Variants in SLC12A8 observed in about 807,000 individuals in gnomAD.
SLC12A8 encodes the protein solute carrier family 12 member 8.
SLC12A8 carries 69 observed loss-of-function variants against 75.6 expected under a neutral mutation model. That is an observed-to-expected ratio of 0.91 (90% CI 0.75 to 1.11). SLC12A8 has a LOEUF of 1.11. Ranked by LOEUF, SLC12A8 falls within the 50% of genes most tolerant of loss-of-function variation. The probability of loss-of-function intolerance (pLI) is 0.00; values close to 1 mark genes in which losing one functional copy is unlikely to be tolerated. For synonymous variants in SLC12A8, 365 were observed against 372.8 expected (o/e 0.98, Z 0.24); for missense variants, 877 against 896.7 (o/e 0.98, Z 0.28).
intron 5 of SLC12A8, among the ~76,000 whole-genome samples, chr3:125,155,576 C>G (rs1232791384): frequency 6.7e-6 from 1 of 148,844 alleles, no homozygotes; most frequent in Non-Finnish European, 1.5e-5. Flanking sequence ...TCGAGACCAT[C>G]CTGGCTAACA....
chr3:125,208,216 C>T (rs1463751611), intron 2 of SLC12A8, among the ~76,000 whole-genome samples: 1 of 152,202 alleles, frequency 6.6e-6, no homozygotes, highest in Non-Finnish European at 1.5e-5. Context: ...ACTCCAGACT[C>T]ACCCAGGCCT....
intron 2 of SLC12A8, among the ~76,000 whole-genome samples, chr3:125,192,143 C>T (rs925002693): frequency 1.6e-4 from 25 of 152,032 alleles, no homozygotes; most frequent in Middle Eastern, 3.4e-3. Flanking sequence ...TGCTACAGGC[C>T]GACTGTTCCT....
intron 2 of SLC12A8, chr3:125,192,826 G>A (rs1934932414): frequency 6.5e-6 from 1 of 154,508 alleles, no homozygotes; most frequent in African/African-American, 2.4e-5. Flanking sequence ...TCTTCCCACA[G>A]TCTGCTCATC....
At chr3:125,163,774 C>A (rs1050599634) in intron 5 of SLC12A8, among the ~76,000 whole-genome samples, 12 of 152,160 alleles carry the variant, frequency 7.9e-5, no homozygotes, top group African/African-American at 2.9e-4. Context: ...GGCAGAAATT[C>A]TCCCTGATGC....
At chr3:125,187,130 G>A in intron 4 of SLC12A8, 107 bp downstream of exon 4, 1 of 1,113,054 alleles carries the variant, frequency 9.0e-7, no homozygotes, top group Non-Finnish European at 1.3e-6. Context: ...TCTGTCACAT[G>A]CGGCAATTGT....
At chr3:125,153,825 C>T (rs1365737653) in intron 5 of SLC12A8, among the ~76,000 whole-genome samples, 2 of 152,160 alleles carry the variant, frequency 1.3e-5, no homozygotes, top group Admixed American at 6.5e-5. Context: ...GGGCGGATGA[C>T]GCAGGCATCG....
chr3:125,189,330 T>C (rs2107795475), intron 3 of SLC12A8, among the ~76,000 whole-genome samples: 1 of 152,366 alleles, frequency 6.6e-6, no homozygotes, highest in South Asian at 2.1e-4. Flanking sequence ...CTGTTGGCAT[T>C]GGCCTGTTTC....
intron 7 of SLC12A8, 199 bp from the exon 8 acceptor site, chr3:125,119,055 G>T (rs1199185563): frequency 2.1e-6 from 1 of 470,936 alleles, no homozygotes; most frequent in East Asian, 3.6e-5. Context: ...CCAAAAAAGG[G>T]GTACCATTGT....
At chr3:125,163,272 C>T (rs1934213598) in intron 5 of SLC12A8, among the ~76,000 whole-genome samples, 1 of 151,192 alleles carries the variant, frequency 6.6e-6, no homozygotes, top group South Asian at 2.1e-4. Flanking sequence ...TGCACTCTAA[C>T]CTGGGTGAGA....
In SLC12A8 at chr3:125,107,651, G is replaced by C; in HGVS notation, c.1535C>G (p.Pro512Arg). The C allele has an allele frequency of 6.2e-7, 1 of 1,614,206 alleles. No homozygotes were observed. Among genetic ancestry groups the C allele is most frequent in the South Asian group, 1.1e-5 (1 of 91,084 alleles). The change falls in exon 10 of 14, where the codon CCT becomes CGT. Residue 512 changes from proline (P) to arginine (R), a missense_variant. Physicochemically the swap from Pro to Arg is moderately radical, Grantham distance 103. Transcript: ENST00000469902. ...AGAGATCTCGACAGGGAAAGAAGGA[G>C]GGGATTTGAGGTCCAAGAGGAAGCT... The part of the protein sequence containing the change: ...QDSFLLDLKS[P>R]PSFPVEISDR...
chr3:125,165,407 C>T (rs926440000), intron 5 of SLC12A8, among the ~76,000 whole-genome samples: 1 of 152,234 alleles, frequency 6.6e-6, no homozygotes, highest in Admixed American at 6.5e-5. Context: ...CCAGGCTGCC[C>T]TAGCTCACTG....
intron 2 of SLC12A8, among the ~76,000 whole-genome samples, chr3:125,196,596 T>C (rs889297278): frequency 6.6e-6 from 1 of 152,194 alleles, no homozygotes; most frequent in Admixed American, 6.5e-5. Context: ...TAGATCACTG[T>C]ACATATTTAT....
intron 10 of SLC12A8, among the ~76,000 whole-genome samples, chr3:125,095,217 C>G (rs929264706): frequency 2.0e-5 from 3 of 152,206 alleles, no homozygotes; most frequent in African/African-American, 7.2e-5. Context: ...TTCTCAGTAT[C>G]ACCCATTAGT....
chr3:125,201,989 C>A (rs956657106), intron 2 of SLC12A8, among the ~76,000 whole-genome samples: 1 of 152,124 alleles, frequency 6.6e-6, no homozygotes, highest in African/African-American at 2.4e-5. Flanking sequence ...CTCACTGCAA[C>A]CTCCGCCTCC....
chr3:125,102,489 A>G (rs1453398142), intron 10 of SLC12A8, among the ~76,000 whole-genome samples: 23 of 152,102 alleles, frequency 1.5e-4, no homozygotes, highest in Admixed American at 1.5e-3. Flanking sequence ...ACATGATGAG[A>G]GTTTTATTTT....
chr3:125,178,347 C>T (rs1934583676), intron 4 of SLC12A8, among the ~76,000 whole-genome samples: 1 of 152,088 alleles, frequency 6.6e-6, no homozygotes, highest in Non-Finnish European at 1.5e-5. Flanking sequence ...CAGGGGGTCC[C>T]ATCTACAGAG....
intron 2 of SLC12A8, among the ~76,000 whole-genome samples, chr3:125,194,061 CA>C (rs1294629936): frequency 1.1e-4 from 16 of 152,168 alleles, no homozygotes; most frequent in Admixed American, 6.5e-5. Flanking sequence ...GAGTCTACAG[CA>C]AAGTAGAGAT....
At chr3:125,192,323 C>T (rs1052534506) in intron 2 of SLC12A8, among the ~76,000 whole-genome samples, 5 of 152,114 alleles carry the variant, frequency 3.3e-5, no homozygotes, top group Non-Finnish European at 5.9e-5. Context: ...ACCTGACGGC[C>T]CAGTCTCACA....
At chr3:125,179,031 A>C (rs1215669590) in intron 4 of SLC12A8, among the ~76,000 whole-genome samples, 1 of 152,122 alleles carries the variant, frequency 6.6e-6, no homozygotes, top group Non-Finnish European at 1.5e-5. Context: ...ACTTTTCCTA[A>C]TTCCTCAGCC....
Sources: gnomAD v4.1 joint callset for allele counts (sites outside exome capture counted in the v4.1 genomes callset) on GRCh38, gnomAD v4.1.1 for gene constraint, MANE v1.5 for transcripts, NCBI Gene and HGNC (gene_info 2026-07-23, HGNC 2026-07-21) for gene names.